The following NBEA variants were observed in gnomAD, a reference collection of about 807,000 sequenced individuals.
NBEA encodes lysosomal-trafficking regulator 2.
Under a neutral mutation model 343.4 loss-of-function variants are expected in NBEA, and 44 were observed. The ratio of observed to expected loss-of-function variants is 0.13; its 90% CI spans 0.10 to 0.16. NBEA has a LOEUF of 0.16. NBEA is among the 10% of genes least tolerant of loss of function. NBEA has a pLI of 1.00. For synonymous variants in NBEA, 1,175 were observed against 1,238.7 expected, an observed-to-expected ratio of 0.95 and a Z score of 1.08; for missense variants, 2,555 against 3,631.3, an observed-to-expected ratio of 0.70 and a Z score of 7.62.
At chr13:35,609,187 T>C (rs886604836) in intron 48 of NBEA, among the ~76,000 whole-genome samples, 1 of 152,226 alleles carries the variant, frequency 6.6e-6, no homozygotes, top group African/African-American at 2.4e-5. Flanking sequence ...TTTATTAATT[T>C]GCTAATGTTT....
intron 13 of NBEA, among the ~76,000 whole-genome samples, chr13:35,113,895 T>C (rs1049191153): frequency 6.6e-6 from 1 of 152,186 alleles, no homozygotes; most frequent in African/African-American, 2.4e-5. Context: ...TTTGTCTGTC[T>C]CCTGGGTTGT....
At chr13:35,312,864 TGA>T (rs1314626348) in intron 36 of NBEA, among the ~76,000 whole-genome samples, 8 of 152,156 alleles carry the variant, frequency 5.3e-5, no homozygotes, top group African/African-American at 1.9e-4. Flanking sequence ...AGGTTTGAGT[TGA>T]GAGTTTTTCA....
rs910893748 is a variant in NBEA at position 35,145,953 on chromosome 13, C to T, written c.2445+3576C>T. Among the ~76,000 whole-genome samples, 3 of 152,144 alleles carry T rather than the reference C, an allele frequency of 2.0e-5. No homozygotes were observed. In the East Asian group the frequency reaches 5.8e-4, roughly 29 times the overall value. ...TCTTAATTACAGGTTAGAGTCCTCA[C>T]CTGGCTTCTTGTTTGAGGAGATATT... is the stretch of plus-strand genomic sequence containing the variant. On this transcript the variant is annotated intron_variant, in intron 18 of 58. Coordinates refer to ENST00000379939, the MANE Select transcript of NBEA (RefSeq NM_001385012.1).
intron 39 of NBEA, among the ~76,000 whole-genome samples, chr13:35,448,699 G>A (rs899447194): frequency 4.6e-5 from 7 of 152,300 alleles, no homozygotes; most frequent in Non-Finnish European, 7.4e-5. Flanking sequence ...CAGGGTTTAC[G>A]AGGTATGGTG....
In NBEA at chr13:35,606,464, T is replaced by C. The variant is rs1593349672; in HGVS notation, c.7335T>C (p.Phe2445=). The part of the protein sequence containing the change: ...IPEFYYLPEM[F]VNSNGYNLGV... Reference sequence around the variant, plus strand: ...AGTTCTACTACCTACCAGAGATGTTTGTCAACAGTAATGGATATAATCTTG... The same window carrying C: ...AGTTCTACTACCTACCAGAGATGTTCGTCAACAGTAATGGATATAATCTTG... The change falls in exon 48 of 59, where the codon TTT becomes TTC. Residue 2445 remains phenylalanine, a synonymous_variant. Coordinates refer to ENST00000379939, the MANE Select transcript of NBEA (RefSeq NM_001385012.1). 6.3e-7 allele frequency: 1 copy of C among 1,575,532 alleles called. No individual in the cohort carries two copies.
chr13:34,957,502 A>G (rs1363947539), intron 1 of NBEA, among the ~76,000 whole-genome samples: 1 of 152,174 alleles, frequency 6.6e-6, no homozygotes, highest in Non-Finnish European at 1.5e-5. Context: ...TTCAGCAGTG[A>G]TTTTATCCCA....
chr13:35,274,144 A>G (rs141877973), intron 34 of NBEA, among the ~76,000 whole-genome samples: 2,543 of 152,300 alleles, frequency 0.017, 34 homozygotes, highest in Middle Eastern at 0.024. Flanking sequence ...ATCCAGCAGC[A>G]TATCAAAAAG....
intron 38 of NBEA, among the ~76,000 whole-genome samples, chr13:35,427,629 G>C (rs1223254886): frequency 6.6e-6 from 1 of 152,142 alleles, no homozygotes; most frequent in African/African-American, 2.4e-5. Flanking sequence ...CTCAATCTGT[G>C]TGCTGGGAGA....
intron 38 of NBEA, among the ~76,000 whole-genome samples, chr13:35,430,726 A>G (rs1264272049): frequency 6.6e-6 from 1 of 152,114 alleles, no homozygotes. Context: ...TTTTGACTTA[A>G]TTTTAACATA....
chr13:35,660,941 G>A (rs1566476351), intron 55 of NBEA, among the ~76,000 whole-genome samples: 1 of 152,158 alleles, frequency 6.6e-6, no homozygotes, highest in South Asian at 2.1e-4. Flanking sequence ...GCTTTTTGAG[G>A]ACCAAATGGT....
chr13:35,456,266 CCTTT>C (rs2046575436), intron 40 of NBEA, among the ~76,000 whole-genome samples: 1 of 151,888 alleles, frequency 6.6e-6, no homozygotes, highest in Non-Finnish European at 1.5e-5. Context: ...CTTTTAGTTC[CCTTT>C]CTTCCCAAGC....
At chr13:35,118,524 G>T (rs181338167) in intron 16 of NBEA, 50 bp downstream of exon 16, 147 of 1,309,522 alleles carry the variant, frequency 1.1e-4, no homozygotes, top group Admixed American at 2.6e-4. Flanking sequence ...GAGCACAGTT[G>T]TTCCTCCTAG....
chr13:35,534,295 A>G (rs1364126893), intron 41 of NBEA, among the ~76,000 whole-genome samples: 1 of 152,186 alleles, frequency 6.6e-6, no homozygotes, highest in Non-Finnish European at 1.5e-5. Context: ...TATCTGTCTC[A>G]GAACTGTCTG....
chr13:35,587,034 T>G (rs2081321560), intron 46 of NBEA, among the ~76,000 whole-genome samples: 1 of 152,140 alleles, frequency 6.6e-6, no homozygotes, highest in Non-Finnish European at 1.5e-5. Flanking sequence ...AACTAATTAA[T>G]TGGATTCGCT....
chr13:35,065,614 T>C (rs1029166562), intron 8 of NBEA, among the ~76,000 whole-genome samples: 1 of 152,130 alleles, frequency 6.6e-6, no homozygotes, highest in African/African-American at 2.4e-5. Flanking sequence ...TTATCTTTAA[T>C]ATTTCTCTTA....
rs13378497 is a variant in NBEA at position 35,135,243 on chromosome 13, T to C, written c.2337-7026T>C. On this transcript the variant is annotated intron_variant, in intron 17 of 58. Transcript: ENST00000379939. ...TTGAGTTCCTATACCTTATCCTCCA[T>C]TCTAGCCTCAAAATAAAATGCTGGG... Among the ~76,000 whole-genome samples, 1,474 of 152,182 alleles carry C rather than the reference T, an allele frequency of 9.7e-3. 19 individuals are homozygous for C. Among genetic ancestry groups the C allele is most frequent in the African/African-American group, 0.034 (1,420 of 41,554 alleles).
At chr13:35,553,975 A>T (rs916657269) in intron 43 of NBEA, among the ~76,000 whole-genome samples, 1 of 152,138 alleles carries the variant, frequency 6.6e-6, no homozygotes, top group Non-Finnish European at 1.5e-5. Flanking sequence ...CCATATGAAA[A>T]ATCAGTGTGG....
chr13:35,653,911 G>A (rs530854356), intron 53 of NBEA, among the ~76,000 whole-genome samples: 2 of 152,176 alleles, frequency 1.3e-5, no homozygotes, highest in East Asian at 3.9e-4. Context: ...AAGTGGCCTG[G>A]GACCCTTGGT....
At chr13:35,534,698 C>T (rs377455350) in intron 41 of NBEA, among the ~76,000 whole-genome samples, 3 of 152,312 alleles carry the variant, frequency 2.0e-5, no homozygotes, top group South Asian at 2.1e-4. Context: ...ATCATCCTAT[C>T]AATCTTACAG....
Sources: allele counts gnomAD v4.1 joint callset (sites outside exome capture counted in the v4.1 genomes callset), GRCh38; gene constraint gnomAD v4.1.1; transcripts MANE v1.5; gene names NCBI Gene and HGNC (gene_info 2026-07-23, HGNC 2026-07-21).